KIF13A: variants seen among roughly 807,000 people sequenced by gnomAD.
KIF13A encodes the protein kinesin-like protein KIF13A.
A neutral mutation model predicts 212.2 loss-of-function variants in KIF13A; 79 were observed. The ratio of observed to expected loss-of-function variants is 0.37; its 90% CI spans 0.31 to 0.45. The LOEUF is 0.45. Among genes scored for constraint, KIF13A ranks in the 20% least tolerant of loss-of-function variants. The probability of loss-of-function intolerance (pLI) is 1.00; values close to 1 mark genes in which losing one functional copy is unlikely to be tolerated. For synonymous variants in KIF13A, 789 were observed against 808.6 expected (o/e 0.98, Z 0.41); for missense variants, 1,901 against 2,209.0 (o/e 0.86, Z 2.79).
intron 17 of KIF13A, among the ~76,000 whole-genome samples, chr6:17,810,976 TG>T (rs1763383312): frequency 6.6e-6 from 1 of 152,204 alleles, no homozygotes; most frequent in Non-Finnish European, 1.5e-5. Context: ...GTTTGTGGTC[TG>T]GGGATTGGGG....
chr6:17,875,721 C>T (rs2150440744), intron 3 of KIF13A, among the ~76,000 whole-genome samples: 1 of 152,236 alleles, frequency 6.6e-6, no homozygotes, highest in South Asian at 2.1e-4. Flanking sequence ...TCCCAAAGTG[C>T]TGAGATTACA....
chr6:17,803,682 A>T (rs1272802489), intron 20 of KIF13A, among the ~76,000 whole-genome samples: 1 of 152,158 alleles, frequency 6.6e-6, no homozygotes, highest in Admixed American at 6.5e-5. Context: ...TCTTACAAAG[A>T]CCATTTAGGG....
intron 3 of KIF13A, among the ~76,000 whole-genome samples, chr6:17,878,177 T>G (rs1484467757): frequency 1.3e-5 from 2 of 151,938 alleles, no homozygotes; most frequent in Admixed American, 6.6e-5. Context: ...GACACAAAAA[T>G]GTAACAGCAA....
At chr6:17,894,538 A>G (rs1772385028) in intron 3 of KIF13A, among the ~76,000 whole-genome samples, 1 of 152,124 alleles carries the variant, frequency 6.6e-6, no homozygotes, top group African/African-American at 2.4e-5. Context: ...GCTTACAAAA[A>G]ACTTCGGCAG....
chr6:17,763,475 CAAAA>C (rs67357010), downstream of KIF13A, among the ~76,000 whole-genome samples: 87 of 75,756 alleles, frequency 1.1e-3, no homozygotes, highest in East Asian at 0.021. Context: ...CACTCCATCT[CAAAA>C]AAAAAAAAAA....
Position 17,817,213 on chromosome 6 carries a change from G to A in KIF13A, c.1807C>T (p.Gln603Ter). 1.2e-6 allele frequency: 2 copies of A among 1,614,024 alleles called. No homozygotes were observed. Among genetic ancestry groups the A allele is most frequent in the Non-Finnish European group, 8.5e-7 (1 of 1,179,888 alleles). ...NSNDPVQNVV[Q>*]VLEKQYLEEK... is the part of the protein sequence containing the mutation. The stretch of plus-strand genomic sequence containing the variant: ...TCTAGGTATTGTTTCTCCAGGACCT[G>A]AACCACATTTTGAACTGGGTCTAGT... Residue 603 changes from glutamine to a stop codon, truncating the protein, a stop_gained, in exon 17 of 39, where the codon CAG becomes TAG. Coordinates refer to ENST00000259711, the MANE Select transcript of KIF13A (RefSeq NM_022113.6). LOFTEE classifies it high-confidence loss of function.
rs1230956207 is a variant in KIF13A at position 17,772,676 on chromosome 6, G to A, written c.4325-617C>T. ...TTCTCACAGCCCTTATTATCTGCATGTTCATTTTGGCACCTTATCATTTAA... is the reference window on the plus strand; with the variant it reads ...TTCTCACAGCCCTTATTATCTGCATATTCATTTTGGCACCTTATCATTTAA... On this transcript the variant is annotated intron_variant, in intron 36 of 38. Coordinates refer to ENST00000259711, the MANE Select transcript of KIF13A (RefSeq NM_022113.6). The surrounding 1 kb of genome is among the most constrained non-coding windows in gnomAD (Gnocchi z 4.8). 6.6e-6 allele frequency among the ~76,000 whole-genome samples: 1 copy of A among 152,200 alleles called. No homozygotes were observed. Among genetic ancestry groups the A allele is most frequent in the Non-Finnish European group, 1.5e-5 (1 of 68,040 alleles).
In KIF13A at chr6:17,798,103, A is replaced by G. The variant is rs534901165; in HGVS notation, c.2790+1163T>C. ...AGTTGTGCTATATTTATTTAACCATATAGTATCTGCTTTTTAGTCTATTTT... is the reference window on the plus strand; with the variant it reads ...AGTTGTGCTATATTTATTTAACCATGTAGTATCTGCTTTTTAGTCTATTTT... On this transcript the variant is annotated intron_variant, in intron 22 of 38. Transcript: ENST00000259711. Among the ~76,000 whole-genome samples, 8 of 152,318 alleles carry G rather than the reference A, an allele frequency of 5.3e-5. No individual in the cohort carries two copies. The South Asian group carries it at 1.7e-3, about 32-fold the overall frequency.
chr6:17,815,325 C>T (rs1312671070), intron 17 of KIF13A, among the ~76,000 whole-genome samples: 1 of 152,134 alleles, frequency 6.6e-6, no homozygotes, highest in Non-Finnish European at 1.5e-5. Context: ...TGGCTGCGGG[C>T]GGGCCTGACT....
In KIF13A at chr6:17,811,801, TCTTC is replaced by T. The variant is rs932961651; in HGVS notation, c.2001-2875_2001-2872del. Among the ~76,000 whole-genome samples, 493 of 152,166 alleles carry T rather than the reference TCTTC, an allele frequency of 3.2e-3. 3 individuals carry two copies. Among genetic ancestry groups the T allele is most frequent in the African/African-American group, 0.011 (449 of 41,548 alleles). ...TCCCAAAATATCTCATCTTTTTTTTTCTTCCTTCCTTCCTTCCTTCTCTCCCTCC... is the reference window on the plus strand; with the variant it reads ...TCCCAAAATATCTCATCTTTTTTTTTCTTCCTTCCTTCCTTCTCTCCCTCC... On this transcript the variant is annotated intron_variant, in intron 17 of 38. Coordinates refer to ENST00000259711, the MANE Select transcript of KIF13A (RefSeq NM_022113.6). The surrounding 1 kb of genome is among the most constrained non-coding windows in gnomAD (Gnocchi z 6.0).
intron 2 of KIF13A, among the ~76,000 whole-genome samples, chr6:17,966,835 C>A (rs1779369545): frequency 6.6e-6 from 1 of 152,000 alleles, no homozygotes; most frequent in East Asian, 1.9e-4. Context: ...TGAGTATTTG[C>A]TGTAAATACT....
At chr6:17,875,933 A>G (rs930536103) in intron 3 of KIF13A, among the ~76,000 whole-genome samples, 3 of 152,208 alleles carry the variant, frequency 2.0e-5, no homozygotes, top group Non-Finnish European at 4.4e-5. Context: ...GAGATTCTCA[A>G]TGAAATTCTC....
At chr6:17,836,810 A>G in intron 11 of KIF13A, 68 bp downstream of exon 11, 1 of 1,386,252 alleles carries the variant, frequency 7.2e-7, no homozygotes, top group Non-Finnish European at 1.0e-6. Context: ...GCAAATGAGC[A>G]CACCCTTGCC....
chr6:17,773,695 A>G lies in KIF13A; in HGVS notation c.4219-112T>C, dbSNP rs1581869910. 2.0e-6 allele frequency: 1 copy of G among 507,304 alleles called. No homozygotes were observed. The highest frequency in any genetic ancestry group is 2.5e-5 in the African/African-American group (1 of 40,804). 31.4% of individuals were successfully genotyped at this position (507,304 alleles called of 1,614,324 possible). The stretch of plus-strand genomic sequence containing the variant: ...TTAATGGCAGCATATGCTCTTCTTT[A>G]TTTTTATTATGATTTATTTCAAATA... On this transcript the variant is annotated intron_variant, in intron 35 of 38. Transcript: ENST00000259711. The surrounding 1 kb of genome is among the most constrained non-coding windows in gnomAD (Gnocchi z 4.2).
chr6:17,797,475 T>C (rs1460528751), intron 22 of KIF13A, among the ~76,000 whole-genome samples: 1 of 152,236 alleles, frequency 6.6e-6, no homozygotes, highest in Admixed American at 6.5e-5. Context: ...TCAGCTGGCA[T>C]AGACTAACTC....
intron 20 of KIF13A, 96 bp from the exon 21 acceptor site, chr6:17,800,209 G>T: frequency 8.5e-7 from 1 of 1,173,434 alleles, no homozygotes; most frequent in Non-Finnish European, 1.2e-6. Context: ...ACCTGGAGAG[G>T]GGCTCTGCAG....
At position 17,785,466 on chromosome 6, in the gene KIF13A, C is replaced by T. The variant is rs769106145; in HGVS notation, c.3488+49G>A. On this transcript the variant is annotated intron_variant, in intron 28 of 38. Coordinates refer to ENST00000259711, the MANE Select transcript of KIF13A (RefSeq NM_022113.6). The surrounding 1 kb of genome is among the most constrained non-coding windows in gnomAD (Gnocchi z 5.8). ...TCTCTTGCATGGCTCTTGCCACAGGCGACCTGTACCATCTCCCCAGGTCTG... is the reference window on the plus strand; with the variant it reads ...TCTCTTGCATGGCTCTTGCCACAGGTGACCTGTACCATCTCCCCAGGTCTG... 76 of 1,454,576 alleles carry T rather than the reference C, an allele frequency of 5.2e-5. No homozygotes were observed. In the Middle Eastern group the frequency reaches 9.7e-4, roughly 19 times the overall value. The allele number at this position is 1,454,576 out of a possible 1,614,324, so 90.1% of individuals were successfully genotyped here.
intron 22 of KIF13A, among the ~76,000 whole-genome samples, chr6:17,797,471 G>A (rs950678770): frequency 6.6e-6 from 1 of 152,162 alleles, no homozygotes; most frequent in Non-Finnish European, 1.5e-5. Context: ...ATTTTCAGCT[G>A]GCATAGACTA....
At chr6:17,907,888 G>A (rs542830795) in intron 2 of KIF13A, among the ~76,000 whole-genome samples, 17 of 152,268 alleles carry the variant, frequency 1.1e-4, no homozygotes, top group Admixed American at 8.5e-4. Flanking sequence ...GATGGTTTGC[G>A]CAATGGGAAT....
Sources: gnomAD v4.1 joint callset for allele counts (sites outside exome capture counted in the v4.1 genomes callset) on GRCh38, gnomAD v4.1.1 for gene constraint, Gnocchi (gnomAD v3.1) non-coding constraint, MANE v1.5 for transcripts, NCBI Gene and HGNC (gene_info 2026-07-23, HGNC 2026-07-21) for gene names.